The following SPOCK3 variants were observed in gnomAD, a reference collection of about 807,000 sequenced individuals.
The protein encoded by SPOCK3 is SPARC (osteonectin), cwcv and kazal like domains proteoglycan 3, also known as testican-3.
A neutral mutation model predicts 56.6 loss-of-function variants in SPOCK3; 30 were observed. That is an observed-to-expected ratio of 0.53 (90% CI 0.40 to 0.72). The LOEUF (loss-of-function observed/expected upper bound fraction) is 0.72, where lower values mean the gene tolerates loss of function less well. Among genes scored for constraint, SPOCK3 ranks in the 30% least tolerant of loss-of-function variants. SPOCK3 has a pLI of 0.00. For missense variants in SPOCK3, 527 were observed against 530.0 expected (o/e 0.99, Z 0.06); for synonymous variants, 196 against 183.3 (o/e 1.07, Z -0.56).
intron 3 of SPOCK3, among the ~76,000 whole-genome samples, chr4:167,051,987 G>T (rs576128876): frequency 6.6e-6 from 1 of 152,262 alleles, no homozygotes; most frequent in Admixed American, 6.5e-5. Context: ...GATATAATTT[G>T]CCTTCTTGCA....
intron 6 of SPOCK3, among the ~76,000 whole-genome samples, chr4:166,821,862 A>G (rs1335347623): frequency 1.3e-5 from 2 of 152,106 alleles, no homozygotes; most frequent in East Asian, 1.9e-4. Context: ...AATTAACTGT[A>G]TATGTGAAAC....
chr4:167,213,898 C>G (rs1166183459), intron 2 of SPOCK3, among the ~76,000 whole-genome samples: 2 of 152,138 alleles, frequency 1.3e-5, no homozygotes, highest in Admixed American at 6.6e-5. Context: ...TTTCATCACA[C>G]AGATGACTTA....
chr4:167,007,796 CT>C, intron 3 of SPOCK3, among the ~76,000 whole-genome samples: 1 of 152,122 alleles, frequency 6.6e-6, no homozygotes, highest in Non-Finnish European at 1.5e-5. Flanking sequence ...ACTGATGATG[CT>C]TTTGTCAACA....
chr4:166,899,017 T>A (rs1735713164), intron 5 of SPOCK3, among the ~76,000 whole-genome samples: 1 of 152,014 alleles, frequency 6.6e-6, no homozygotes, highest in Non-Finnish European at 1.5e-5. Flanking sequence ...ATTGCCTCTC[T>A]CTGCTTGAGA....
intron 2 of SPOCK3, among the ~76,000 whole-genome samples, chr4:167,093,520 C>T (rs1420639883): frequency 6.6e-6 from 1 of 152,116 alleles, no homozygotes; most frequent in African/African-American, 2.4e-5. Context: ...TCAACTCCCA[C>T]TTATGAGTGA....
chr4:166,790,194 C>G (rs1741187750), intron 7 of SPOCK3, among the ~76,000 whole-genome samples: 1 of 152,092 alleles, frequency 6.6e-6, no homozygotes, highest in African/African-American at 2.4e-5. Flanking sequence ...AGACCTCTTA[C>G]TACATTGAGT....
intron 6 of SPOCK3, among the ~76,000 whole-genome samples, chr4:166,796,903 T>C (rs17052616): frequency 0.12 from 18,526 of 152,202 alleles, 1,292 homozygotes; most frequent in African/African-American, 0.18. Flanking sequence ...TTGGCTCCAA[T>C]GTGATTATTT....
chr4:166,858,376 C>CTCT (rs1730902896), intron 6 of SPOCK3, among the ~76,000 whole-genome samples: 1 of 152,168 alleles, frequency 6.6e-6, no homozygotes, highest in South Asian at 2.1e-4. Flanking sequence ...CAAATGGTGA[C>CTCT]TCTTCTATTA....
intron 6 of SPOCK3, among the ~76,000 whole-genome samples, chr4:166,856,405 T>C (rs749791831): frequency 2.0e-5 from 3 of 152,218 alleles, no homozygotes; most frequent in Admixed American, 6.5e-5. Context: ...TTGATCATTC[T>C]GTAATGAATA....
chr4:166,934,253 G>A (rs1324224913), intron 4 of SPOCK3, among the ~76,000 whole-genome samples: 1 of 151,806 alleles, frequency 6.6e-6, no homozygotes, highest in Non-Finnish European at 1.5e-5. Context: ...CACTTTGGGA[G>A]GCCGAGACTG....
chr4:166,738,738 C>A (rs1198302294), intron 9 of SPOCK3, among the ~76,000 whole-genome samples: 1 of 149,038 alleles, frequency 6.7e-6, no homozygotes, highest in African/African-American at 2.5e-5. Flanking sequence ...TTTGTCCTTG[C>A]GATAGTTTAC....
At chr4:166,740,837 T>C (rs1417048091) in intron 9 of SPOCK3, among the ~76,000 whole-genome samples, 1 of 152,152 alleles carries the variant, frequency 6.6e-6, no homozygotes, top group Non-Finnish European at 1.5e-5. Context: ...GAATGTATTA[T>C]TTTCATTTGT....
chr4:166,879,546 A>C (rs1733475358), intron 6 of SPOCK3, among the ~76,000 whole-genome samples: 1 of 152,176 alleles, frequency 6.6e-6, no homozygotes, highest in African/African-American at 2.4e-5. Flanking sequence ...ACATATTTTG[A>C]GAACTAAATG....
chr4:167,220,123 T>C (rs987353197), intron 2 of SPOCK3, among the ~76,000 whole-genome samples: 2 of 152,154 alleles, frequency 1.3e-5, no homozygotes, highest in African/African-American at 4.8e-5. Context: ...TGGTTACATT[T>C]ATGTTGTATT....
At chr4:167,023,639 T>C (rs1458872081) in intron 3 of SPOCK3, among the ~76,000 whole-genome samples, 1 of 151,976 alleles carries the variant, frequency 6.6e-6, no homozygotes, top group Non-Finnish European at 1.5e-5. Context: ...CCCCTTTTTC[T>C]CTGCTTCTGT....
intron 6 of SPOCK3, among the ~76,000 whole-genome samples, chr4:166,840,811 C>T (rs1169086279): frequency 1.7e-5 from 2 of 119,770 alleles, no homozygotes; most frequent in Admixed American, 1.0e-4. Context: ...TGCAGTCTCG[C>T]TCTGTCGCCC....
chr4:167,200,388 G>A (rs566526446), intron 2 of SPOCK3, among the ~76,000 whole-genome samples: 2 of 151,908 alleles, frequency 1.3e-5, no homozygotes, highest in South Asian at 2.1e-4. Flanking sequence ...TTTAAGGATG[G>A]CACATTAGAT....
chr4:166,837,038 T>A (rs973332934), intron 6 of SPOCK3, among the ~76,000 whole-genome samples: 1 of 152,222 alleles, frequency 6.6e-6, no homozygotes, highest in African/African-American at 2.4e-5. Flanking sequence ...TTCCTATACC[T>A]GTTGCAATGG....
intron 4 of SPOCK3, among the ~76,000 whole-genome samples, chr4:166,969,368 C>T (rs1322743856): frequency 6.6e-6 from 1 of 152,008 alleles, no homozygotes; most frequent in Non-Finnish European, 1.5e-5. Flanking sequence ...ACCCAAGTCT[C>T]ATGTTGAATT....
Sources: gnomAD v4.1 joint callset for allele counts (sites outside exome capture counted in the v4.1 genomes callset) on GRCh38, gnomAD v4.1.1 for gene constraint, MANE v1.5 for transcripts, NCBI Gene and HGNC (gene_info 2026-07-23, HGNC 2026-07-21) for gene names.